The following VPS13D variants were observed in gnomAD, a reference collection of about 807,000 sequenced individuals.
VPS13D encodes the protein intermembrane lipid transfer protein VPS13D.
Under a neutral mutation model 461.9 loss-of-function variants are expected in VPS13D, and 187 were observed. The ratio of observed to expected loss-of-function variants is 0.40; its 90% CI spans 0.36 to 0.46. VPS13D has a LOEUF of 0.46. VPS13D is among the 20% of genes least tolerant of loss of function. VPS13D has a pLI of 0.60. For missense variants in VPS13D, 4,711 were observed against 5,364.9 expected (o/e 0.88, Z 3.81); for synonymous variants, 1,951 against 1,986.3 (o/e 0.98, Z 0.47).
At chr1:12,258,200 C>A in intron 10 of VPS13D, 97 bp downstream of exon 10, 1 of 1,466,100 alleles carries the variant, frequency 6.8e-7, no homozygotes, top group Non-Finnish European at 9.3e-7. Flanking sequence ...GTAATAAAGT[C>A]CCATGCCAAA....
intron 21 of VPS13D, among the ~76,000 whole-genome samples, chr1:12,286,326 C>T (rs919423862): frequency 2.0e-5 from 3 of 152,214 alleles, no homozygotes; most frequent in Middle Eastern, 3.2e-3. Flanking sequence ...GATCGGCCTG[C>T]CTTGGCCTCC....
intron 68 of VPS13D, among the ~76,000 whole-genome samples, chr1:12,497,851 G>A (rs1042600370): frequency 6.6e-6 from 1 of 152,168 alleles, no homozygotes; most frequent in East Asian, 1.9e-4. Context: ...CCATAGCCTG[G>A]CCTTAGTGTT....
chr1:12,466,965 T>C (rs1645492938), intron 67 of VPS13D, among the ~76,000 whole-genome samples: 1 of 152,172 alleles, frequency 6.6e-6, no homozygotes, highest in Non-Finnish European at 1.5e-5. Context: ...CCCTTGCGTA[T>C]ATATTTGTGA....
chr1:12,385,392 G>A lies in VPS13D; in HGVS notation c.11484+19G>A, dbSNP rs186475161. ...ATTGGAAGTAAGGTCTAAATATTGT[G>A]AATTTATTTATTTGATCATCAGTTT... On this transcript the variant is annotated intron_variant, in intron 59 of 69. Coordinates refer to ENST00000620676, the MANE Select transcript of VPS13D (RefSeq NM_015378.4). 3.8e-6 allele frequency: 6 copies of A among 1,572,216 alleles called. No individual in the cohort carries two copies. The East Asian group carries it at 1.1e-4, about 30-fold the overall frequency.
intron 26 of VPS13D, among the ~76,000 whole-genome samples, chr1:12,307,365 G>C (rs571509974): frequency 2.0e-4 from 31 of 152,340 alleles, no homozygotes; most frequent in African/African-American, 7.2e-4. Flanking sequence ...TGGCATTTTG[G>C]GGGTAACAAA....
chr1:12,392,920 C>T (rs1006680632), intron 60 of VPS13D, among the ~76,000 whole-genome samples: 2 of 152,146 alleles, frequency 1.3e-5, no homozygotes, highest in African/African-American at 4.8e-5. Flanking sequence ...GGCAGCCTTT[C>T]GGGTCACTTA....
intron 5 of VPS13D, 79 bp from the exon 6 acceptor site, chr1:12,249,144 A>G (rs1203500040): frequency 1.6e-6 from 2 of 1,213,288 alleles, no homozygotes; most frequent in Non-Finnish European, 2.3e-6. Flanking sequence ...GCAGTTATCT[A>G]AATGCTTTTT....
intron 27 of VPS13D, among the ~76,000 whole-genome samples, chr1:12,310,964 T>C (rs1569873158): frequency 6.7e-6 from 1 of 148,458 alleles, no homozygotes; most frequent in South Asian, 2.2e-4. Context: ...TCACACAGGC[T>C]GGAATACAGT....
In VPS13D at chr1:12,256,462, T is replaced by G. The variant is rs1640925103; in HGVS notation, c.799T>G (p.Cys267Gly). 6.2e-7 allele frequency: 1 copy of G among 1,614,160 alleles called. No homozygotes were observed. Among genetic ancestry groups the G allele is most frequent in the Admixed American group, 1.7e-5 (1 of 60,026 alleles). ...GTCTCGGCACAGTCCCCGTATTGAT[T>G]GTGATATTCAGCTGGAGACCATTCC... ...LRSRHSPRID[C>G]DIQLETIPLK... The change falls in exon 8 of 70, where the codon TGT (cysteine) becomes GGT (glycine). Residue 267 changes from cysteine (C) to glycine (G), a missense_variant. This residue lies in a region of VPS13D where 4,411 missense variants were observed against 4,937.8 expected (regional missense o/e 0.89). Coordinates refer to ENST00000620676, the MANE Select transcript of VPS13D (RefSeq NM_015378.4).
At chr1:12,469,406 A>C (rs1230577904) in intron 67 of VPS13D, among the ~76,000 whole-genome samples, 1 of 152,244 alleles carries the variant, frequency 6.6e-6, no homozygotes, top group Non-Finnish European at 1.5e-5. Flanking sequence ...AGATAGGTGA[A>C]TACAGCTGTT....
chr1:12,429,650 G>C (rs1027415453), intron 65 of VPS13D, among the ~76,000 whole-genome samples: 1 of 152,164 alleles, frequency 6.6e-6, no homozygotes, highest in East Asian at 1.9e-4. Context: ...CTGTAAGCTG[G>C]TGAATAGCCA....
intron 50 of VPS13D, among the ~76,000 whole-genome samples, chr1:12,360,897 T>G (rs1643936991): frequency 6.6e-6 from 1 of 152,098 alleles, no homozygotes; most frequent in Non-Finnish European, 1.5e-5. Context: ...AATGCTAAGG[T>G]GGAGTTTTCT....
At chr1:12,231,213 G>C (rs1436864981) in intron 1 of VPS13D, among the ~76,000 whole-genome samples, 3 of 152,222 alleles carry the variant, frequency 2.0e-5, no homozygotes, top group African/African-American at 7.2e-5. Context: ...GTTAGTGCCA[G>C]TGCCAGGCAG....
intron 65 of VPS13D, among the ~76,000 whole-genome samples, chr1:12,446,759 G>A (rs1251328264): frequency 6.6e-6 from 1 of 152,170 alleles, no homozygotes; most frequent in Non-Finnish European, 1.5e-5. Context: ...AAGCTGGGGT[G>A]GAAGAGGAGA....
At chr1:12,483,996 C>CAA (rs991510896) in intron 67 of VPS13D, among the ~76,000 whole-genome samples, 1 of 129,922 alleles carries the variant, frequency 7.7e-6, no homozygotes, top group African/African-American at 2.9e-5. Flanking sequence ...GACTCCCTCT[C>CAA]AAAAAAAAAA....
intron 65 of VPS13D, among the ~76,000 whole-genome samples, chr1:12,453,522 C>T (rs1645289377): frequency 6.6e-6 from 1 of 152,182 alleles, no homozygotes; most frequent in African/African-American, 2.4e-5. Flanking sequence ...AACTGTGGTT[C>T]TCACAGCGTC....
Position 12,495,268 on chromosome 1 carries a change from G to A in VPS13D, c.12663-2232G>A, listed in dbSNP as rs1645941438. ...AGGTTCATGCCATTCTCCTGCCTCA[G>A]CCTCCTGAATAGCTGGGACTACAGG... On this transcript the variant is annotated intron_variant, in intron 67 of 69. Coordinates refer to ENST00000620676, the MANE Select transcript of VPS13D (RefSeq NM_015378.4). This position sits in a 1 kb window ranked among gnomAD's most constrained non-coding sequence, Gnocchi z 4.0. Among the ~76,000 whole-genome samples, 1 of 151,080 alleles carries A rather than the reference G, an allele frequency of 6.6e-6. No individual in the cohort carries two copies. Among genetic ancestry groups the A allele is most frequent in the African/African-American group, 2.4e-5 (1 of 41,042 alleles).
intron 63 of VPS13D, among the ~76,000 whole-genome samples, chr1:12,407,020 ATT>A (rs1352215840): frequency 6.6e-6 from 1 of 152,210 alleles, no homozygotes; most frequent in Non-Finnish European, 1.5e-5. Flanking sequence ...GCTTGAAATA[ATT>A]TGTTGGGAAA....
rs1194285717 is a variant in VPS13D at position 12,299,877 on chromosome 1, T to C, written c.6216+493T>C. 1.3e-5 allele frequency among the ~76,000 whole-genome samples: 2 copies of C among 151,920 alleles called. No individual in the cohort carries two copies. Among genetic ancestry groups the C allele is most frequent in the Non-Finnish European group, 2.9e-5 (2 of 67,986 alleles). On this transcript the variant is annotated intron_variant, in intron 25 of 69. Transcript: ENST00000620676. The surrounding 1 kb of genome is among the most constrained non-coding windows in gnomAD (Gnocchi z 4.2). ...ATAACATCTGTACAGTATATTGCTT[T>C]ACAGTTTTAAATTACTGTGGCACCT...
Sources: allele counts gnomAD v4.1 joint callset (sites outside exome capture counted in the v4.1 genomes callset), GRCh38; gene constraint gnomAD v4.1.1; regional missense constraint gnomAD v4.1.1; non-coding constraint Gnocchi (gnomAD v3.1); transcripts MANE v1.5; gene names NCBI Gene and HGNC (gene_info 2026-07-23, HGNC 2026-07-21).